The following PPP2R2C variants were observed in gnomAD, a reference collection of about 807,000 sequenced individuals.
PPP2R2C encodes protein phosphatase 2, regulatory subunit B, gamma.
A neutral mutation model predicts 45.3 loss-of-function variants in PPP2R2C; 10 were observed. The observed-to-expected ratio is 0.22, with a 90% confidence interval of 0.14 to 0.37. The LOEUF (loss-of-function observed/expected upper bound fraction) is 0.37. Among genes scored for constraint, PPP2R2C ranks in the 10% least tolerant of loss-of-function variants. The pLI, the probability that PPP2R2C is intolerant of heterozygous loss-of-function variation, is 1.00. For missense variants in PPP2R2C, 308 were observed against 619.7 expected, an observed-to-expected ratio of 0.50 and a Z score of 5.34; for synonymous variants, 257 against 245.4, an observed-to-expected ratio of 1.05 and a Z score of -0.44.
intron 1 of PPP2R2C, among the ~76,000 whole-genome samples, chr4:6,467,035 G>C (rs543947927): frequency 2.0e-5 from 3 of 152,150 alleles, no homozygotes; most frequent in Non-Finnish European, 2.9e-5. Context: ...GCACCAGGCA[G>C]TGCAGGGAAA....
At chr4:6,430,559 G>A (rs1037168318) in intron 1 of PPP2R2C, among the ~76,000 whole-genome samples, 3 of 152,184 alleles carry the variant, frequency 2.0e-5, no homozygotes, top group African/African-American at 7.2e-5. Context: ...TGCACGAGGG[G>A]AAACATGTTG....
chr4:6,490,177 G>A (rs1007924923), intron 2 of PPP2R2C, among the ~76,000 whole-genome samples: 4 of 152,158 alleles, frequency 2.6e-5, no homozygotes, highest in Non-Finnish European at 4.4e-5. Flanking sequence ...CCTCCCACCT[G>A]GGCCTGGCCA....
At chr4:6,505,049 C>G (rs1014849222) in intron 2 of PPP2R2C, among the ~76,000 whole-genome samples, 1 of 151,808 alleles carries the variant, frequency 6.6e-6, no homozygotes, top group Non-Finnish European at 1.5e-5. Context: ...GGAAAGAAGC[C>G]GGAGAAAAAT....
intron 1 of PPP2R2C, among the ~76,000 whole-genome samples, chr4:6,551,001 A>G (rs914051957): frequency 5.9e-5 from 9 of 152,244 alleles, no homozygotes; most frequent in Non-Finnish European, 1.2e-4. Context: ...CTGGAGGTCA[A>G]TTGCCATACC....
At chr4:6,476,699 A>G (rs1451547464), upstream of PPP2R2C, among the ~76,000 whole-genome samples, 1 of 152,184 alleles carries the variant, frequency 6.6e-6, no homozygotes, top group East Asian at 1.9e-4. Context: ...GACTTTTAAC[A>G]CTGTAGTTTT....
At chr4:6,458,728 C>T (rs1358911005) in intron 1 of PPP2R2C, among the ~76,000 whole-genome samples, 3 of 152,124 alleles carry the variant, frequency 2.0e-5, no homozygotes, top group Non-Finnish European at 4.4e-5. Context: ...CAGGGTGCAG[C>T]GGAAGCAGGC....
At chr4:6,494,649 C>T (rs936317523) in intron 2 of PPP2R2C, among the ~76,000 whole-genome samples, 2 of 152,176 alleles carry the variant, frequency 1.3e-5, no homozygotes, top group Non-Finnish European at 2.9e-5. Flanking sequence ...CAAGCACACG[C>T]GGCACGCCGT....
chr4:6,531,463 C>A (rs1724399270), intron 2 of PPP2R2C, among the ~76,000 whole-genome samples: 1 of 152,148 alleles, frequency 6.6e-6, no homozygotes, highest in Non-Finnish European at 1.5e-5. Context: ...CGCCAGGAAA[C>A]AAGCAGTCCC....
At chr4:6,493,522 C>T (rs1327469979) in intron 2 of PPP2R2C, among the ~76,000 whole-genome samples, 3 of 151,460 alleles carry the variant, frequency 2.0e-5, no homozygotes. Flanking sequence ...GCATCCTGCC[C>T]ATCAAGATGA....
chr4:6,511,426 GTGA>G (rs1233868077), intron 2 of PPP2R2C, among the ~76,000 whole-genome samples: 3 of 127,402 alleles, frequency 2.4e-5, no homozygotes, highest in Admixed American at 7.5e-5. Context: ...AGTGATGGTG[GTGA>G]TGGTGGTGGT....
At chr4:6,457,073 G>A (rs116382874) in intron 1 of PPP2R2C, among the ~76,000 whole-genome samples, 6,445 of 152,064 alleles carry the variant, frequency 0.042, 463 homozygotes, top group African/African-American at 0.15. Flanking sequence ...GCCAGATGCC[G>A]TGGCAGGCAC....
rs575490514 is a variant in PPP2R2C, at chr4:6,500,433, C to G, written c.49+34838G>C. On this transcript the variant is annotated intron_variant, in intron 2 of 9. Coordinates refer to the PPP2R2C transcript ENST00000506140. ...AAAGTGCTGGGATTACAGGCGTGAGCCATTGCACCCGGCCAGCAGAAGGTA... is the reference window on the plus strand; with the variant it reads ...AAAGTGCTGGGATTACAGGCGTGAGGCATTGCACCCGGCCAGCAGAAGGTA... Among the ~76,000 whole-genome samples, 29 of 152,330 alleles carry G rather than the reference C, an allele frequency of 1.9e-4. No individual in the cohort carries two copies. The South Asian group carries it at 5.2e-3, about 27-fold the overall frequency.
intron 2 of PPP2R2C, among the ~76,000 whole-genome samples, chr4:6,519,156 C>T (rs1723931725): frequency 6.6e-6 from 1 of 152,122 alleles, no homozygotes; most frequent in Non-Finnish European, 1.5e-5. Flanking sequence ...ATTCTGCCAC[C>T]ATCCACCCTT....
intron 8 of PPP2R2C, among the ~76,000 whole-genome samples, chr4:6,323,985 A>C (rs1731740097): frequency 6.6e-6 from 1 of 152,104 alleles, no homozygotes; most frequent in Non-Finnish European, 1.5e-5. Flanking sequence ...GAGCCTACAG[A>C]GCCATCACTC....
In PPP2R2C at chr4:6,368,314, G is replaced by A. The variant is rs567284062; in HGVS notation, c.625+4209C>T. On this transcript the variant is annotated intron_variant, in intron 5 of 8. Transcript: ENST00000382599. The surrounding 1 kb of genome is among the most constrained non-coding windows in gnomAD (Gnocchi z 4.2). The stretch of plus-strand genomic sequence containing the variant: ...GCTGGAGAGAAATGTACACGGCTGC[G>A]CTGGCTGGGCCACCGACTCCCTGTA... Among the ~76,000 whole-genome samples, 15 of 152,288 alleles carry A rather than the reference G, an allele frequency of 9.8e-5. No individual in the cohort carries two copies. The South Asian group carries it at 1.2e-3, about 13-fold the overall frequency.
At chr4:6,403,448 C>T (rs745589906) in intron 1 of PPP2R2C, among the ~76,000 whole-genome samples, 14 of 152,214 alleles carry the variant, frequency 9.2e-5, no homozygotes, top group Non-Finnish European at 2.1e-4. Flanking sequence ...GCTCTGTTTA[C>T]AGCGGGGTGA....
rs557813029 is a variant in PPP2R2C at position 6,350,299 on chromosome 4, C to T, written c.626-2289G>A. The T allele has an allele frequency of 2.4e-4, 233 of 985,486 alleles. No homozygotes were observed. The Middle Eastern group carries it at 5.2e-3, about 22-fold the overall frequency. 61.0% of individuals were successfully genotyped at this position (985,486 alleles called of 1,614,324 possible). A position where few individuals can be genotyped will look rare whatever the true frequency, so the allele number is the denominator to read the frequency against. Reference sequence around the variant, plus strand: ...GGCTTTCCAGGACACGCTGCCCGCTCGGAGCAGCTCTCAGGTCCTTACTGA... The same window carrying T: ...GGCTTTCCAGGACACGCTGCCCGCTTGGAGCAGCTCTCAGGTCCTTACTGA... On this transcript the variant is annotated intron_variant, in intron 5 of 8. Transcript: ENST00000382599.
intron 4 of PPP2R2C, 112 bp from the exon 5 acceptor site, chr4:6,372,812 C>T: frequency 9.3e-7 from 1 of 1,073,876 alleles, no homozygotes; most frequent in Non-Finnish European, 1.4e-6. Flanking sequence ...GGGTGGGCGT[C>T]CATCCTGATC....
In PPP2R2C at chr4:6,324,213, C is replaced by A. The variant is rs2109145944; in HGVS notation, c.1053-620G>T. On this transcript the variant is annotated intron_variant, in intron 8 of 8. Transcript: ENST00000382599. The surrounding 1 kb of genome is among the most constrained non-coding windows in gnomAD (Gnocchi z 4.1). ...TTGGGAAGCCAAGGCGGGCAGATCA[C>A]CTGAGGTTAGGAGTTTGAGACCAGC... Among the ~76,000 whole-genome samples, 1 of 152,218 alleles carries A rather than the reference C, an allele frequency of 6.6e-6. No homozygotes were observed. Among genetic ancestry groups the A allele is most frequent in the Middle Eastern group, 3.4e-3 (1 of 294 alleles).
Sources: gnomAD v4.1 joint callset for allele counts (sites outside exome capture counted in the v4.1 genomes callset) on GRCh38, gnomAD v4.1.1 for gene constraint, Gnocchi (gnomAD v3.1) non-coding constraint, MANE v1.5 for transcripts, NCBI Gene and HGNC (gene_info 2026-07-23, HGNC 2026-07-21) for gene names.